The following MACF1 variants were observed in gnomAD, a reference collection of about 807,000 sequenced individuals.
MACF1 encodes microtubule-actin cross-linking factor 1.
In MACF1, 193 loss-of-function variants were observed where a neutral mutation model predicts 854.8. That is an observed-to-expected ratio of 0.23 (90% CI 0.20 to 0.25). The LOEUF (loss-of-function observed/expected upper bound fraction) is 0.25, where lower values mean the gene tolerates loss of function less well. Among genes scored for constraint, MACF1 ranks in the 10% least tolerant of loss-of-function variants. MACF1 has a pLI of 1.00. For synonymous variants in MACF1, 3,185 were observed against 3,226.7 expected, an observed-to-expected ratio of 0.99 and a Z score of 0.44; for missense variants, 7,722 against 8,929.1, an observed-to-expected ratio of 0.86 and a Z score of 5.45.
intron 2 of MACF1, among the ~76,000 whole-genome samples, chr1:39,185,873 G>A (rs957182965): frequency 2.6e-5 from 4 of 152,116 alleles, no homozygotes; most frequent in African/African-American, 9.7e-5. Context: ...TTTTTAACCT[G>A]AAGTGCTGAA....
At position 39,460,883 on chromosome 1, in the gene MACF1, T is replaced by A. The variant is rs1445646735; in HGVS notation, c.21523+89T>A. On this transcript the variant is annotated intron_variant, in intron 92 of 100. Transcript: ENST00000564288. The surrounding 1 kb of genome is among the most constrained non-coding windows in gnomAD (Gnocchi z 4.1). ...TGATATTCTAGCTAAACAGTCTTTCTGAAGCTGGCCAGGAGCTTGGCTCAC... is the reference window on the plus strand; with the variant it reads ...TGATATTCTAGCTAAACAGTCTTTCAGAAGCTGGCCAGGAGCTTGGCTCAC... 6.7e-7 allele frequency: 1 copy of A among 1,484,264 alleles called. No homozygotes were observed. Among genetic ancestry groups the A allele is most frequent in the East Asian group, 2.3e-5 (1 of 43,960 alleles). The allele number at this position is 1,484,264 out of a possible 1,614,324, so 91.9% of individuals were successfully genotyped here. A position where few individuals can be genotyped will look rare whatever the true frequency, so the allele number is the denominator to read the frequency against.
At chr1:39,454,476 C>T (rs1289298645) in intron 88 of MACF1, among the ~76,000 whole-genome samples, 1 of 152,134 alleles carries the variant, frequency 6.6e-6, no homozygotes, top group African/African-American at 2.4e-5. Context: ...AGTGAAGCCT[C>T]TTGACTGTTT....
chr1:39,411,286 CTG>C, intron 58 of MACF1: 1 of 1,613,986 alleles, frequency 6.2e-7, no homozygotes, highest in Non-Finnish European at 8.5e-7. Context: ...GGAAGAGAAA[CTG>C]TCAGACAGGG....
rs1379643806 is a variant in MACF1, at chr1:39,314,569, T to TCTCA, written c.3271-943_3271-942insTCAC. 8.2e-3 allele frequency among the ~76,000 whole-genome samples: 536 copies of TCTCA among 65,326 alleles called. 2 individuals carry two copies. Among genetic ancestry groups the TCTCA allele is most frequent in the Middle Eastern group, 0.02 (3 of 148 alleles). The allele number at this position is 65,326 out of a possible 152,430, so 42.9% of individuals were successfully genotyped here. On this transcript the variant is annotated intron_variant, in intron 26 of 100. Transcript: ENST00000564288. ...CTCTTTCTCTCTCTCTCTCTCTCTCTCACACACACACACACACACACACAC... is the reference window on the plus strand; with the variant it reads ...CTCTTTCTCTCTCTCTCTCTCTCTCTCTCACACACACACACACACACACACACAC...
rs770466163 is a variant in MACF1 at position 39,347,198 on chromosome 1, A to G, written c.10803A>G (p.Glu3601=). 6.2e-6 allele frequency: 10 copies of G among 1,613,006 alleles called. No individual in the cohort carries two copies. In the South Asian group the frequency reaches 1.1e-4, roughly 18 times the overall value. ...GCCATCTTCAACAAATGGAGCAGGA[A>G]GCCCTGGTGAAGGTCAGACTGAACC... The part of the protein sequence containing the change: ...LQGHLQQMEQ[E]ALVKTLQKQQ... The change falls in exon 41 of 101, where the codon GAA becomes GAG. Residue 3601 remains glutamate, a synonymous_variant. Transcript: ENST00000564288.
At chr1:39,156,160 C>T (rs1203110677) in intron 2 of MACF1, among the ~76,000 whole-genome samples, 1 of 152,178 alleles carries the variant, frequency 6.6e-6, no homozygotes, top group African/African-American at 2.4e-5. Context: ...CAGGCGTGAG[C>T]CACCGTGCCT....
intron 2 of MACF1, among the ~76,000 whole-genome samples, chr1:39,173,351 A>AAGAAAG (rs1553155694): frequency 7.9e-6 from 1 of 126,248 alleles, no homozygotes; most frequent in African/African-American, 2.9e-5. Flanking sequence ...AAAAAAAAAA[A>AAGAAAG]AAAGAAAGAA....
chr1:39,444,266 C>T (rs956887332), intron 79 of MACF1, among the ~76,000 whole-genome samples: 1 of 151,550 alleles, frequency 6.6e-6, no homozygotes, highest in Non-Finnish European at 1.5e-5. Flanking sequence ...ACCCGGGAGG[C>T]GGAGCTTGCA....
At chr1:39,395,553 A>G (rs2148584044) in intron 58 of MACF1, among the ~76,000 whole-genome samples, 1 of 152,318 alleles carries the variant, frequency 6.6e-6, no homozygotes, top group Middle Eastern at 3.4e-3. Context: ...TTGGTTGATG[A>G]TGCATTGCCA....
intron 2 of MACF1, among the ~76,000 whole-genome samples, chr1:39,143,083 C>T (rs2148186719): frequency 6.6e-6 from 1 of 152,298 alleles, no homozygotes; most frequent in Non-Finnish European, 1.5e-5. Flanking sequence ...CAGGAGGGCC[C>T]ATCTCAGTCC....
chr1:39,276,684 G>A (rs1421306012), intron 6 of MACF1, among the ~76,000 whole-genome samples: 2 of 152,096 alleles, frequency 1.3e-5, no homozygotes, highest in Non-Finnish European at 2.9e-5. Context: ...CTGAGATTCT[G>A]TATTGGATAT....
At chr1:39,475,863 A>G (rs28659923) in intron 97 of MACF1, among the ~76,000 whole-genome samples, 7,359 of 150,604 alleles carry the variant, frequency 0.049, 308 homozygotes, top group East Asian at 0.33. Flanking sequence ...TCACCAGGTC[A>G]AGTCTAAGGG....
At chr1:39,160,656 C>T (rs1393361751) in intron 2 of MACF1, among the ~76,000 whole-genome samples, 1 of 152,194 alleles carries the variant, frequency 6.6e-6, no homozygotes, top group East Asian at 1.9e-4. Context: ...GGAGAAGTTC[C>T]TGGAAAGAGG....
At chr1:39,115,327 C>G (rs1292333084) in intron 2 of MACF1, among the ~76,000 whole-genome samples, 1 of 151,922 alleles carries the variant, frequency 6.6e-6, no homozygotes, top group South Asian at 2.1e-4. Context: ...GCAGGCAAAT[C>G]AAGAAATGTG....
intron 50 of MACF1, among the ~76,000 whole-genome samples, chr1:39,368,999 C>CTTT (rs552062352): frequency 2.9e-4 from 35 of 121,884 alleles, no homozygotes; most frequent in African/African-American, 9.6e-4. Flanking sequence ...AGTCCCCTGG[C>CTTT]TTTTTTTTTT....
chr1:39,430,970 C>A, intron 66 of MACF1, 62 bp downstream of exon 66: 1 of 1,387,038 alleles, frequency 7.2e-7, no homozygotes, highest in Non-Finnish European at 1.0e-6. Flanking sequence ...AGATACAGTA[C>A]TATGACCCAC....
intron 97 of MACF1, among the ~76,000 whole-genome samples, chr1:39,479,030 T>C (rs1296177926): frequency 6.6e-6 from 1 of 152,228 alleles, no homozygotes; most frequent in East Asian, 1.9e-4. Flanking sequence ...GATCTTCCTA[T>C]GGAATCCACA....
intron 2 of MACF1, among the ~76,000 whole-genome samples, chr1:39,199,339 C>T (rs1388872205): frequency 6.7e-6 from 1 of 148,402 alleles, no homozygotes; most frequent in Non-Finnish European, 1.5e-5. Flanking sequence ...TGGAATCAGG[C>T]ATAATAAAAG....
At chr1:39,469,040 C>A (rs982264392) in intron 96 of MACF1, among the ~76,000 whole-genome samples, 2 of 152,112 alleles carry the variant, frequency 1.3e-5, no homozygotes, top group Non-Finnish European at 2.9e-5. Flanking sequence ...GAAAGGAGCC[C>A]AGTGAAGCCC....
Sources: gnomAD v4.1 joint callset for allele counts (sites outside exome capture counted in the v4.1 genomes callset) on GRCh38, gnomAD v4.1.1 for gene constraint, Gnocchi (gnomAD v3.1) non-coding constraint, MANE v1.5 for transcripts, NCBI Gene and HGNC (gene_info 2026-07-23, HGNC 2026-07-21) for gene names.